The following MBD3L2B variants were observed in gnomAD, a reference collection of about 807,000 sequenced individuals.
MBD3L2B encodes methyl-CpG-binding domain protein 3-like 2B.
For synonymous variants in MBD3L2B, 50 were observed against 31.6 expected (o/e 1.58, Z -1.95); for missense variants, 127 against 78.7 (o/e 1.61, Z -2.32).
rs1474284006 is a variant in MBD3L2B, at chr19:7,019,123, C to A, written c.*38G>T. 2.8e-6 allele frequency: 2 copies of A among 718,304 alleles called. No individual in the cohort carries two copies. Among genetic ancestry groups the A allele is most frequent in the Admixed American group, 2.0e-5 (1 of 50,000 alleles). 44.5% of individuals were successfully genotyped at this position (718,304 alleles called of 1,614,324 possible). On this transcript the variant is annotated 3_prime_UTR_variant, in exon 2 of 2. Transcript: ENST00000636986. ...CCAACTGCGGGGCCACACCCCACAG[C>A]TTCTCAGCACCCCCTCCTCCTGCAC...
rs1356367535 is a variant in MBD3L2B at position 7,019,478 on chromosome 19, T to C, written c.298A>G (p.Ser100Gly). Residue 100 changes from serine (S) to glycine (G), a missense_variant, in exon 2 of 2, where the codon AGC (serine) becomes GGC (glycine). Coordinates refer to ENST00000636986, the MANE Select transcript of MBD3L2B (RefSeq NM_001364674.2). ...GGACTTGAACCTTCTCCTTGGCTGC[T>C]GCAGGGCTGCAGGGCCTGCAGTCTC... ...YRRLQALQPC[S>G]SQGEGSSPLH... 6.0e-6 allele frequency: 3 copies of C among 502,922 alleles called. No individual in the cohort carries two copies. Among genetic ancestry groups the C allele is most frequent in the Admixed American group, 7.5e-5 (2 of 26,812 alleles). 31.2% of individuals were successfully genotyped at this position (502,922 alleles called of 1,614,324 possible). A position where few individuals can be genotyped will look rare whatever the true frequency, so the allele number is the denominator to read the frequency against.
chr19:7,019,018 T>A lies in MBD3L2B; in HGVS notation c.*143A>T. 1 of 679,790 alleles carries A rather than the reference T, an allele frequency of 1.5e-6. No individual in the cohort carries two copies. The highest frequency in any genetic ancestry group is 2.1e-5 in the Admixed American group (1 of 47,910). The allele number at this position is 679,790 out of a possible 1,614,324, so 42.1% of individuals were successfully genotyped here. ...AGAACTGGTGGGGAAGTACAAAGTG[T>A]GACAATTCATAGCAGGAAAGAGGAC... On this transcript the variant is annotated 3_prime_UTR_variant, in exon 2 of 2. Transcript: ENST00000636986.
Position 7,019,128 on chromosome 19 carries a change from C to A in MBD3L2B, c.*33G>T, listed in dbSNP as rs556536443. On this transcript the variant is annotated 3_prime_UTR_variant, in exon 2 of 2. Coordinates refer to ENST00000636986, the MANE Select transcript of MBD3L2B (RefSeq NM_001364674.2). Reference sequence around the variant, plus strand: ...TGCGGGGCCACACCCCACAGCTTCTCAGCACCCCCTCCTCCTGCACTTCAT... The same window carrying A: ...TGCGGGGCCACACCCCACAGCTTCTAAGCACCCCCTCCTCCTGCACTTCAT... 4 of 718,472 alleles carry A rather than the reference C, an allele frequency of 5.6e-6. No individual in the cohort carries two copies. The highest frequency in any genetic ancestry group is 1.0e-5 in the Non-Finnish European group (4 of 385,118). The allele number at this position is 718,472 out of a possible 1,614,324, so 44.5% of individuals were successfully genotyped here.
chr19:7,019,062 ATT>A lies in MBD3L2B; in HGVS notation c.*97_*98del. ...AGAGGACGGGCATTAAAAGATAGGG[ATT>A]CAAAACCCAGGACTGTCCCCACTGA... On this transcript the variant is annotated 3_prime_UTR_variant, in exon 2 of 2. Coordinates refer to ENST00000636986, the MANE Select transcript of MBD3L2B (RefSeq NM_001364674.2). 1.4e-6 allele frequency: 1 copy of A among 709,024 alleles called. No individual in the cohort carries two copies. Among genetic ancestry groups the A allele is most frequent in the Non-Finnish European group, 2.6e-6 (1 of 381,332 alleles). 43.9% of individuals were successfully genotyped at this position (709,024 alleles called of 1,614,324 possible). A position where few individuals can be genotyped will look rare whatever the true frequency, so the allele number is the denominator to read the frequency against.
In MBD3L2B at chr19:7,019,115, C is replaced by T. The variant is rs1216984807; in HGVS notation, c.*46G>A. ...CTCACCCCCCAACTGCGGGGCCACA[C>T]CCCACAGCTTCTCAGCACCCCCTCC... is the stretch of plus-strand genomic sequence containing the variant. On this transcript the variant is annotated 3_prime_UTR_variant, in exon 2 of 2. Transcript: ENST00000636986. 1.4e-6 allele frequency: 1 copy of T among 718,164 alleles called. No homozygotes were observed. 44.5% of individuals were successfully genotyped at this position (718,164 alleles called of 1,614,324 possible). A position where few individuals can be genotyped will look rare whatever the true frequency, so the allele number is the denominator to read the frequency against.
Position 7,019,074 on chromosome 19 carries a change from G to T in MBD3L2B, c.*87C>A. 1 of 715,214 alleles carries T rather than the reference G, an allele frequency of 1.4e-6. No individual in the cohort carries two copies. The allele number at this position is 715,214 out of a possible 1,614,324, so 44.3% of individuals were successfully genotyped here. On this transcript the variant is annotated 3_prime_UTR_variant, in exon 2 of 2. Coordinates refer to ENST00000636986, the MANE Select transcript of MBD3L2B (RefSeq NM_001364674.2). ...TTAAAAGATAGGGATTCAAAACCCAGGACTGTCCCCACTGACTCACCCCCC... is the reference window on the plus strand; with the variant it reads ...TTAAAAGATAGGGATTCAAAACCCATGACTGTCCCCACTGACTCACCCCCC...
At position 7,019,108 on chromosome 19, in the gene MBD3L2B, G is replaced by A. The variant is rs1313944507; in HGVS notation, c.*53C>T. ...CCACTGACTCACCCCCCAACTGCGG[G>A]GCCACACCCCACAGCTTCTCAGCAC... On this transcript the variant is annotated 3_prime_UTR_variant, in exon 2 of 2. Coordinates refer to ENST00000636986, the MANE Select transcript of MBD3L2B (RefSeq NM_001364674.2). The A allele has an allele frequency of 2.2e-5, 16 of 717,954 alleles. No individual in the cohort carries two copies. The East Asian group carries it at 3.2e-4, about 14-fold the overall frequency. 44.5% of individuals were successfully genotyped at this position (717,954 alleles called of 1,614,324 possible).
chr19:7,019,111 C>A lies in MBD3L2B; in HGVS notation c.*50G>T, dbSNP rs1976760809. The A allele has an allele frequency of 2.8e-6, 2 of 718,204 alleles. No individual in the cohort carries two copies. Among genetic ancestry groups the A allele is most frequent in the African/African-American group, 1.7e-5 (1 of 57,392 alleles). The allele number at this position is 718,204 out of a possible 1,614,324, so 44.5% of individuals were successfully genotyped here. ...CTGACTCACCCCCCAACTGCGGGGC[C>A]ACACCCCACAGCTTCTCAGCACCCC... On this transcript the variant is annotated 3_prime_UTR_variant, in exon 2 of 2. Coordinates refer to ENST00000636986, the MANE Select transcript of MBD3L2B (RefSeq NM_001364674.2).
chr19:7,019,085 A>G lies in MBD3L2B; in HGVS notation c.*76T>C, dbSNP rs1976759876. 4.2e-6 allele frequency: 3 copies of G among 716,448 alleles called. No homozygotes were observed. Among genetic ancestry groups the G allele is most frequent in the African/African-American group, 1.7e-5 (1 of 57,204 alleles). The allele number at this position is 716,448 out of a possible 1,614,324, so 44.4% of individuals were successfully genotyped here. On this transcript the variant is annotated 3_prime_UTR_variant, in exon 2 of 2. Transcript: ENST00000636986. ...GGATTCAAAACCCAGGACTGTCCCC[A>G]CTGACTCACCCCCCAACTGCGGGGC...
At chr19:7,019,792 G>T in intron 1 of MBD3L2B, 62 bp from the exon 2 acceptor site, 1 of 124,288 alleles carries the variant, frequency 8.0e-6, no homozygotes, top group South Asian at 5.4e-5. Context: ...GATCAGCTGT[G>T]GGGGGCTTCT....
rs1230885042 is a variant in MBD3L2B at position 7,019,209 on chromosome 19, C to A, written c.567G>T (p.Leu189=). 1.4e-6 allele frequency: 1 copy of A among 718,472 alleles called. No individual in the cohort carries two copies. Among genetic ancestry groups the A allele is most frequent in the Middle Eastern group, 2.3e-4 (1 of 4,370 alleles). 44.5% of individuals were successfully genotyped at this position (718,472 alleles called of 1,614,324 possible). Residue 189 remains leucine, a synonymous_variant, in exon 2 of 2, where the codon CTG becomes CTT. Coordinates refer to ENST00000636986, the MANE Select transcript of MBD3L2B (RefSeq NM_001364674.2). ...ARRVKKARER[L]AKALQADRLA... is the part of the protein sequence containing the mutation. ...GCCTGTCTGCCTGCAAGGCCTTGGC[C>A]AGTCTCTCCCTGGCTTTCTTCACCC...
rs1417081825 is a variant in MBD3L2B at position 7,019,139 on chromosome 19, C to T, written c.*22G>A. The T allele has an allele frequency of 7.0e-6, 5 of 718,550 alleles. No individual in the cohort carries two copies. The highest frequency in any genetic ancestry group is 1.3e-5 in the Non-Finnish European group (5 of 385,182). 44.5% of individuals were successfully genotyped at this position (718,550 alleles called of 1,614,324 possible). A position where few individuals can be genotyped will look rare whatever the true frequency, so the allele number is the denominator to read the frequency against. Reference sequence around the variant, plus strand: ...ACCCCACAGCTTCTCAGCACCCCCTCCTCCTGCACTTCATCCACCTGTCAC... The same window carrying T: ...ACCCCACAGCTTCTCAGCACCCCCTTCTCCTGCACTTCATCCACCTGTCAC... On this transcript the variant is annotated 3_prime_UTR_variant, in exon 2 of 2. Transcript: ENST00000636986.
Position 7,019,542 on chromosome 19 carries a change from G to T in MBD3L2B, c.234C>A (p.Asp78Glu). 2.2e-6 allele frequency: 1 copy of T among 454,582 alleles called. No homozygotes were observed. The highest frequency in any genetic ancestry group is 3.7e-6 in the Non-Finnish European group (1 of 271,472). 28.2% of individuals were successfully genotyped at this position (454,582 alleles called of 1,614,324 possible). ...GTTGCTGCGGCTTCTCCAGGTGCTC[G>T]TCCCCTTTTCTGCGTCTGACCTGGT... The part of the protein sequence containing the change: ...PDNQVRRRKG[D>E]EHLEKPQQLC... Residue 78 changes from aspartate (D) to glutamate (E), a missense_variant, in exon 2 of 2, where the codon GAC becomes GAA. Physicochemically the swap from Asp to Glu is conservative, Grantham distance 45. Coordinates refer to ENST00000636986, the MANE Select transcript of MBD3L2B (RefSeq NM_001364674.2).
At position 7,019,380 on chromosome 19, in the gene MBD3L2B, A is replaced by G. The variant is rs1201832207; in HGVS notation, c.396T>C (p.Ala132=). The G allele has an allele frequency of 1.5e-6, 1 of 655,058 alleles. No homozygotes were observed. Among genetic ancestry groups the G allele is most frequent in the Admixed American group, 2.2e-5 (1 of 46,388 alleles). 40.6% of individuals were successfully genotyped at this position (655,058 alleles called of 1,614,324 possible). ...TAGESLDRAG[A]ERVRSPLEPT... ...GCTCAAGCGGGCTGCGCACACGCTC[A>G]GCACCAGCTCTGTCCAGAGATTCAC... is the stretch of plus-strand genomic sequence containing the variant. Residue 132 remains alanine (A), a synonymous_variant, in exon 2 of 2, where the codon GCT becomes GCC. Coordinates refer to ENST00000636986, the MANE Select transcript of MBD3L2B (RefSeq NM_001364674.2).
Position 7,018,983 on chromosome 19 carries a change from CT to C in MBD3L2B, c.*177del. ...TCCTTACACTGTTGCCTTTCAAATG[CT>C]TTTAATAAAGAACTGGTGGGGAAGT... On this transcript the variant is annotated 3_prime_UTR_variant, in exon 2 of 2. Transcript: ENST00000636986. 1 of 654,996 alleles carries C rather than the reference CT, an allele frequency of 1.5e-6. No homozygotes were observed. The highest frequency in any genetic ancestry group is 2.3e-5 in the Admixed American group (1 of 43,546). The allele number at this position is 654,996 out of a possible 1,614,324, so 40.6% of individuals were successfully genotyped here.
In MBD3L2B at chr19:7,019,028, T is replaced by G; in HGVS notation, c.*133A>C. ...GGGAAGTACAAAGTGTGACAATTCA[T>G]AGCAGGAAAGAGGACGGGCATTAAA... On this transcript the variant is annotated 3_prime_UTR_variant, in exon 2 of 2. Coordinates refer to ENST00000636986, the MANE Select transcript of MBD3L2B (RefSeq NM_001364674.2). 1.5e-6 allele frequency: 1 copy of G among 687,582 alleles called. No individual in the cohort carries two copies. Among genetic ancestry groups the G allele is most frequent in the Non-Finnish European group, 2.7e-6 (1 of 374,496 alleles). The allele number at this position is 687,582 out of a possible 1,614,324, so 42.6% of individuals were successfully genotyped here.
At position 7,019,623 on chromosome 19, in the gene MBD3L2B, T is replaced by C; in HGVS notation, c.153A>G (p.Arg51=). The C allele has an allele frequency of 2.5e-6, 1 of 404,170 alleles. No homozygotes were observed. The allele number at this position is 404,170 out of a possible 1,614,324, so 25.0% of individuals were successfully genotyped here. The change falls in exon 2 of 2, where the codon AGA becomes AGG. Residue 51 remains arginine, a synonymous_variant. Coordinates refer to ENST00000636986, the MANE Select transcript of MBD3L2B (RefSeq NM_001364674.2). ...RRAARSALPM[R]LTSCIFRRPV... ...GCCTCCGGAAGATGCAGCTGGTGAG[T>C]CTCATGGGGAGAGCAGACCTCGCAG... is the stretch of plus-strand genomic sequence containing the variant.
chr19:7,019,654 C>T lies in MBD3L2B; in HGVS notation c.122G>A (p.Arg41Lys). The change falls in exon 2 of 2, where the codon AGA becomes AAA. Residue 41 changes from arginine (R) to lysine (K), a missense_variant. Arg to Lys is a conservative substitution (Grantham distance 26, BLOSUM62 2). Coordinates refer to ENST00000636986, the MANE Select transcript of MBD3L2B (RefSeq NM_001364674.2). ...REIHMAKAHR[R>K]RAARSALPMR... is the part of the protein sequence containing the mutation. Reference sequence around the variant, plus strand: ...GGGGAGAGCAGACCTCGCAGCTCGTCTCCGATGGGCCTTGGCCATGTGGAT... The same window carrying T: ...GGGGAGAGCAGACCTCGCAGCTCGTTTCCGATGGGCCTTGGCCATGTGGAT... 2 of 361,560 alleles carry T rather than the reference C, an allele frequency of 5.5e-6. No individual in the cohort carries two copies. Among genetic ancestry groups the T allele is most frequent in the African/African-American group, 9.2e-5 (1 of 10,916 alleles). 22.4% of individuals were successfully genotyped at this position (361,560 alleles called of 1,614,324 possible).
In MBD3L2B at chr19:7,019,407, G is replaced by A. The variant is rs1315047850; in HGVS notation, c.369C>T (p.Ala123=). 12 of 605,232 alleles carry A rather than the reference G, an allele frequency of 2.0e-5. No individual in the cohort carries two copies. The highest frequency in any genetic ancestry group is 3.5e-5 in the South Asian group (2 of 56,968). 37.5% of individuals were successfully genotyped at this position (605,232 alleles called of 1,614,324 possible). Residue 123 remains alanine, a synonymous_variant, in exon 2 of 2, where the codon GCC becomes GCT. Coordinates refer to ENST00000636986, the MANE Select transcript of MBD3L2B (RefSeq NM_001364674.2). ...CACCAGCTCTGTCCAGAGATTCACC[G>A]GCCGTCCCCGGTGCAAGGATACTTA... ...SVLSILAPGT[A]GESLDRAGAE...
Sources: gnomAD v4.1 joint callset for allele counts on GRCh38, gnomAD v4.1.1 for gene constraint, MANE v1.5 for transcripts, NCBI Gene and HGNC (gene_info 2026-07-23, HGNC 2026-07-21) for gene names.